The following CDH10 variants were observed in gnomAD, a reference collection of about 807,000 sequenced individuals.
CDH10 encodes cadherin-10.
A neutral mutation model predicts 73.1 loss-of-function variants in CDH10; 30 were observed. The ratio of observed to expected loss-of-function variants is 0.41; its 90% CI spans 0.31 to 0.56. The LOEUF is 0.56. Ranked by LOEUF, CDH10 falls within the 20% of genes least tolerant of loss-of-function variation. CDH10 has a pLI of 0.27. For synonymous variants in CDH10, 345 were observed against 348.2 expected (o/e 0.99, Z 0.10); for missense variants, 815 against 973.7 (o/e 0.84, Z 2.17).
chr5:24,548,869 A>G (rs1279928158), intron 2 of CDH10, among the ~76,000 whole-genome samples: 2 of 152,176 alleles, frequency 1.3e-5, no homozygotes, highest in African/African-American at 2.4e-5. Flanking sequence ...ATAAAAGTAG[A>G]GATAGAGAGA....
chr5:24,629,269 A>G (rs1163785305), intron 1 of CDH10, among the ~76,000 whole-genome samples: 1 of 152,126 alleles, frequency 6.6e-6, no homozygotes, highest in Non-Finnish European at 1.5e-5. Context: ...ATGAGCTTGG[A>G]TATAAAAACA....
chr5:24,515,692 G>A (rs1241331660), intron 5 of CDH10, among the ~76,000 whole-genome samples: 1 of 152,110 alleles, frequency 6.6e-6, no homozygotes, highest in African/African-American at 2.4e-5. Flanking sequence ...CCTGCAATCT[G>A]TGGGAATTCT....
chr5:24,516,311 T>G (rs536752286), intron 5 of CDH10, among the ~76,000 whole-genome samples: 4 of 152,292 alleles, frequency 2.6e-5, no homozygotes, highest in Non-Finnish European at 5.9e-5. Context: ...GTTTTCTCGT[T>G]TGTTAAGTTA....
chr5:24,542,190 T>A (rs114720593), intron 2 of CDH10, among the ~76,000 whole-genome samples: 2,237 of 152,208 alleles, frequency 0.015, 55 homozygotes, highest in African/African-American at 0.047. Flanking sequence ...AAAAAATTAT[T>A]TTTAAAGAGG....
At chr5:24,553,858 C>A (rs546411526) in intron 2 of CDH10, among the ~76,000 whole-genome samples, 1 of 151,806 alleles carries the variant, frequency 6.6e-6, no homozygotes, top group African/African-American at 2.4e-5. Flanking sequence ...TTGGGTGGGG[C>A]AAGGTGAAGA....
At chr5:24,565,238 T>C (rs180818386) in intron 2 of CDH10, among the ~76,000 whole-genome samples, 62 of 152,304 alleles carry the variant, frequency 4.1e-4, no homozygotes, top group Admixed American at 2.5e-3. Context: ...AACATGATGA[T>C]GTGTGTACAA....
chr5:24,518,580 T>C (rs954994278), intron 5 of CDH10, among the ~76,000 whole-genome samples: 1 of 152,088 alleles, frequency 6.6e-6, no homozygotes, highest in African/African-American at 2.4e-5. Flanking sequence ...TCACAGTCTT[T>C]AGTAAAAATA....
chr5:24,562,803 G>T (rs191919416), intron 2 of CDH10, among the ~76,000 whole-genome samples: 1 of 142,838 alleles, frequency 7.0e-6, no homozygotes, highest in Admixed American at 7.1e-5. Flanking sequence ...ATTGGAGATG[G>T]AAAAAAATAC....
At chr5:24,564,157 C>T (rs1337720934) in intron 2 of CDH10, among the ~76,000 whole-genome samples, 1 of 152,108 alleles carries the variant, frequency 6.6e-6, no homozygotes, top group Non-Finnish European at 1.5e-5. Flanking sequence ...GCTATTGGGA[C>T]ACTGCTTTCC....
chr5:24,601,780 G>T (rs1671152606), intron 1 of CDH10, among the ~76,000 whole-genome samples: 1 of 151,974 alleles, frequency 6.6e-6, no homozygotes, highest in South Asian at 2.1e-4. Flanking sequence ...GCTTGAATGG[G>T]TTAAAGTCGT....
chr5:24,631,998 T>C (rs1300294841), intron 1 of CDH10, among the ~76,000 whole-genome samples: 3 of 152,038 alleles, frequency 2.0e-5, no homozygotes, highest in Non-Finnish European at 2.9e-5. Flanking sequence ...CTTAAGTTAG[T>C]GGAAAATGAA....
chr5:24,619,771 T>C (rs1192008273), intron 1 of CDH10, among the ~76,000 whole-genome samples: 1 of 152,116 alleles, frequency 6.6e-6, no homozygotes, highest in Non-Finnish European at 1.5e-5. Flanking sequence ...TTGGGATTAG[T>C]ACTCATAAAA....
At chr5:24,617,261 C>A (rs1165264892) in intron 1 of CDH10, among the ~76,000 whole-genome samples, 9 of 151,766 alleles carry the variant, frequency 5.9e-5, no homozygotes, top group African/African-American at 2.2e-4. Context: ...TCACGGCAGA[C>A]AAAAAAATGT....
At chr5:24,564,830 C>T (rs1745109246) in intron 2 of CDH10, among the ~76,000 whole-genome samples, 1 of 152,158 alleles carries the variant, frequency 6.6e-6, no homozygotes, top group East Asian at 1.9e-4. Context: ...TCTCAGGATA[C>T]TTCATCTAGT....
intron 1 of CDH10, among the ~76,000 whole-genome samples, chr5:24,622,972 G>A (rs1208192802): frequency 1.3e-5 from 2 of 152,132 alleles, no homozygotes; most frequent in Non-Finnish European, 2.9e-5. Flanking sequence ...TGACCTCAGT[G>A]GTAGCACTTT....
chr5:24,545,412 C>T (rs148303464), intron 2 of CDH10, among the ~76,000 whole-genome samples: 1 of 152,298 alleles, frequency 6.6e-6, no homozygotes, highest in African/African-American at 2.4e-5. Context: ...AACTTCTTTG[C>T]TATGAGCTAT....
chr5:24,527,931 T>C (rs566931047), intron 5 of CDH10, among the ~76,000 whole-genome samples: 1 of 151,926 alleles, frequency 6.6e-6, no homozygotes, highest in Non-Finnish European at 1.5e-5. Flanking sequence ...AAATGCAAAT[T>C]AGTTGTGAAT....
chr5:24,537,800 T>C, intron 2 of CDH10, 126 bp from the exon 3 acceptor site: 1 of 604,148 alleles, frequency 1.7e-6, no homozygotes, highest in East Asian at 2.8e-5. Flanking sequence ...CTTCTTGAAA[T>C]GAGAGCTGAA....
intron 5 of CDH10, among the ~76,000 whole-genome samples, chr5:24,519,184 C>T (rs982818426): frequency 4.6e-5 from 7 of 152,036 alleles, no homozygotes; most frequent in Admixed American, 3.3e-4. Flanking sequence ...AGCTACTGTG[C>T]CCAGCCCACA....
Sources: allele counts gnomAD v4.1 joint callset (sites outside exome capture counted in the v4.1 genomes callset), GRCh38; gene constraint gnomAD v4.1.1; transcripts MANE v1.5; gene names NCBI Gene and HGNC (gene_info 2026-07-23, HGNC 2026-07-21).